The following ANO1 variants were observed in gnomAD, a reference collection of about 807,000 sequenced individuals.
The protein encoded by ANO1 is anoctamin 1, also known as anoctamin-1.
A neutral mutation model predicts 124.0 loss-of-function variants in ANO1; 59 were observed. That is an observed-to-expected ratio of 0.48 (90% CI 0.39 to 0.59). ANO1 has a LOEUF of 0.59. Among genes scored for constraint, ANO1 ranks in the 20% least tolerant of loss-of-function variants. ANO1 has a pLI of 0.00. For synonymous variants in ANO1, 529 were observed against 532.0 expected, an observed-to-expected ratio of 0.99 and a Z score of 0.08; for missense variants, 1,059 against 1,328.0, an observed-to-expected ratio of 0.80 and a Z score of 3.15.
intron 5 of ANO1, chr11:70,108,130 G>A: frequency 2.1e-6 from 1 of 483,998 alleles, no homozygotes; most frequent in Admixed American, 3.2e-5. Context: ...AACTGCAGGT[G>A]CACCTGTTTC....
intron 1 of ANO1, among the ~76,000 whole-genome samples, chr11:70,009,617 G>T (rs78287021): frequency 6.7e-6 from 1 of 149,534 alleles, no homozygotes; most frequent in Non-Finnish European, 1.5e-5. Context: ...CAAATAAAAA[G>T]GTTTATTTGG....
chr11:70,028,787 T>C (rs1329220474), intron 1 of ANO1, among the ~76,000 whole-genome samples: 1 of 151,942 alleles, frequency 6.6e-6, no homozygotes, highest in East Asian at 1.9e-4. Context: ...AAGTTTCTGG[T>C]GTTTTGCTTT....
At chr11:70,185,075 A>G (rs2049060832) in intron 24 of ANO1, among the ~76,000 whole-genome samples, 1 of 152,074 alleles carries the variant, frequency 6.6e-6, no homozygotes, top group African/African-American at 2.4e-5. Context: ...CAAAGAGGGG[A>G]TGGACTGGAG....
At chr11:70,036,570 AT>A (rs1857097231) in intron 1 of ANO1, among the ~76,000 whole-genome samples, 1 of 151,914 alleles carries the variant, frequency 6.6e-6, no homozygotes, top group Non-Finnish European at 1.5e-5. Flanking sequence ...GCTGGCCCTG[AT>A]GTCTGACTGT....
At chr11:70,158,672 G>A (rs924243612) in intron 16 of ANO1, among the ~76,000 whole-genome samples, 2 of 152,256 alleles carry the variant, frequency 1.3e-5, no homozygotes, top group African/African-American at 2.4e-5. Flanking sequence ...TGGGTTGAGT[G>A]AGGGGCCAAG....
rs113441821 is a variant in ANO1, at chr11:70,104,194, T to G, written c.692+44T>G. The G allele has an allele frequency of 1.6e-4, 245 of 1,572,802 alleles. 1 individual carries two copies. The African/African-American group carries it at 2.9e-3, about 19-fold the overall frequency. On this transcript the variant is annotated intron_variant, in intron 4 of 25. Transcript: ENST00000355303. Reference sequence around the variant, plus strand: ...CCTGCTCCCCAAAGGGTCCTGTGTGTGGGGATTTAACCTTCTAGCATGAGA... The same window carrying G: ...CCTGCTCCCCAAAGGGTCCTGTGTGGGGGGATTTAACCTTCTAGCATGAGA...
chr11:69,976,618 A>G, the ANO1 span, among the ~76,000 whole-genome samples: 10 of 149,364 alleles, frequency 6.7e-5, no homozygotes, highest in African/African-American at 2.5e-4. Flanking sequence ...GTGGGGACAC[A>G]GGGAGAAGGT....
intron 1 of ANO1, among the ~76,000 whole-genome samples, chr11:70,020,493 G>A (rs1856782877): frequency 1.3e-5 from 2 of 152,218 alleles, no homozygotes; most frequent in Admixed American, 6.5e-5. Flanking sequence ...TTGGCAGGAG[G>A]AGGAAAAGCA....
intron 11 of ANO1, among the ~76,000 whole-genome samples, chr11:70,142,750 A>G (rs559996488): frequency 2.6e-5 from 4 of 152,348 alleles, no homozygotes; most frequent in Non-Finnish European, 4.4e-5. Flanking sequence ...AGTATGGAGA[A>G]GTCCAAGATC....
At chr11:69,973,528 G>C in the ANO1 span, among the ~76,000 whole-genome samples, 2 of 152,178 alleles carry the variant, frequency 1.3e-5, no homozygotes, top group East Asian at 3.9e-4. Flanking sequence ...CTTGCTAGGC[G>C]GTGCGAGGCA....
At chr11:70,165,934 C>G (rs565063071) in intron 20 of ANO1, among the ~76,000 whole-genome samples, 1 of 152,186 alleles carries the variant, frequency 6.6e-6, no homozygotes, top group South Asian at 2.1e-4. Context: ...GCGGGAGGAT[C>G]GCTGGAGCCC....
chr11:70,073,643 C>T (rs1555009640), upstream of ANO1, among the ~76,000 whole-genome samples: 2 of 152,158 alleles, frequency 1.3e-5, no homozygotes, highest in East Asian at 1.9e-4. Flanking sequence ...TGAGGGATGC[C>T]GTCTGAGCTG....
chr11:70,068,280 G>A (rs988363253), intron 1 of ANO1, among the ~76,000 whole-genome samples: 10 of 152,192 alleles, frequency 6.6e-5, no homozygotes, highest in Non-Finnish European at 1.2e-4. Flanking sequence ...TGGTTGAATC[G>A]GGTAAAAATT....
intron 19 of ANO1, 155 bp downstream of exon 19, chr11:70,163,495 G>T: frequency 1.2e-6 from 1 of 846,372 alleles, no homozygotes; most frequent in Non-Finnish European, 1.9e-6. Context: ...TTCCCCTGAT[G>T]TGGTGGGGTG....
the ANO1 span, among the ~76,000 whole-genome samples, chr11:69,974,088 G>A: frequency 1.3e-5 from 2 of 151,934 alleles, no homozygotes; most frequent in African/African-American, 4.8e-5. Context: ...AGAGGCCGAG[G>A]TGGGTGGATC....
At chr11:70,047,896 G>T (rs1260462124) in intron 1 of ANO1, among the ~76,000 whole-genome samples, 1 of 152,170 alleles carries the variant, frequency 6.6e-6, no homozygotes, top group African/African-American at 2.4e-5. Context: ...TTTCTGGCTG[G>T]TAGGACACTT....
intron 11 of ANO1, among the ~76,000 whole-genome samples, chr11:70,143,512 G>A (rs1291118670): frequency 2.0e-5 from 3 of 152,144 alleles, no homozygotes; most frequent in South Asian, 2.1e-4. Context: ...GCAGAAAGAC[G>A]GAGGGGTCGG....
intron 1 of ANO1, among the ~76,000 whole-genome samples, chr11:70,087,179 A>G (rs1371465396): frequency 3.3e-5 from 5 of 152,240 alleles, no homozygotes; most frequent in African/African-American, 1.2e-4. Context: ...TTTATGGGGT[A>G]CATGAGATAT....
Position 70,025,379 on chromosome 11 carries a change from G to T in ANO1, c.58+39213G>T, listed in dbSNP as rs577574887. On this transcript the variant is annotated intron_variant, in intron 1 of 27. Coordinates refer to the ANO1 transcript ENST00000531349. ...TGATGGTGGTGGTGGTGATTGTGATGATGAGAATAATGATGGTGGTGGTGG... is the reference window on the plus strand; with the variant it reads ...TGATGGTGGTGGTGGTGATTGTGATTATGAGAATAATGATGGTGGTGGTGG... Among the ~76,000 whole-genome samples the T allele has an allele frequency of 2.6e-5, 4 of 152,274 alleles. No homozygotes were observed. In the South Asian group the frequency reaches 8.3e-4, roughly 32 times the overall value.
Sources: allele counts gnomAD v4.1 joint callset (sites outside exome capture counted in the v4.1 genomes callset), GRCh38; gene constraint gnomAD v4.1.1; transcripts MANE v1.5; gene names NCBI Gene and HGNC (gene_info 2026-07-23, HGNC 2026-07-21).